AFG2A: variants seen among roughly 807,000 people sequenced by gnomAD.
The protein encoded by AFG2A is ATPase family gene 2 protein homolog A.
chr4:122,977,377 A>C, the AFG2A span, among the ~76,000 whole-genome samples: 3 of 152,208 alleles, frequency 2.0e-5, no homozygotes, highest in Non-Finnish European at 4.4e-5. Flanking sequence ...TGCTGGCTGC[A>C]GTGGAGTGGA....
chr4:122,950,311 T>C, the AFG2A span, among the ~76,000 whole-genome samples: 1 of 151,540 alleles, frequency 6.6e-6, no homozygotes. Flanking sequence ...ACTTTATATC[T>C]GGTAAAGTAC....
At chr4:123,048,231 A>G in the AFG2A span, among the ~76,000 whole-genome samples, 8 of 152,108 alleles carry the variant, frequency 5.3e-5, no homozygotes, top group African/African-American at 1.4e-4. Flanking sequence ...GCCTGTTTTT[A>G]TGCCAGTACC....
the AFG2A span, among the ~76,000 whole-genome samples, chr4:123,127,315 A>G: frequency 6.6e-6 from 1 of 152,244 alleles, no homozygotes; most frequent in African/African-American, 2.4e-5. Context: ...TTTTAAAATC[A>G]TAATATCACA....
the AFG2A span, among the ~76,000 whole-genome samples, chr4:123,030,735 C>A: frequency 6.6e-6 from 1 of 152,050 alleles, no homozygotes; most frequent in Non-Finnish European, 1.5e-5. Flanking sequence ...AATTGAATAT[C>A]CCTTATCAAA....
chr4:123,228,809 A>G, the AFG2A span, among the ~76,000 whole-genome samples: 1 of 151,984 alleles, frequency 6.6e-6, no homozygotes, highest in African/African-American at 2.4e-5. Flanking sequence ...TCCTCTTACT[A>G]TTAACCATAA....
the AFG2A span, among the ~76,000 whole-genome samples, chr4:122,987,889 C>A: frequency 6.6e-6 from 1 of 151,906 alleles, no homozygotes; most frequent in African/African-American, 2.4e-5. Context: ...TGTATTCTTA[C>A]CTTTACAGGG....
the AFG2A span, among the ~76,000 whole-genome samples, chr4:122,932,070 C>T: frequency 6.6e-6 from 1 of 151,630 alleles, no homozygotes; most frequent in African/African-American, 2.4e-5. Context: ...AGTTCGAGAC[C>T]AGCCTGGGAA....
At chr4:122,954,814 T>C in the AFG2A span, among the ~76,000 whole-genome samples, 1 of 108,022 alleles carries the variant, frequency 9.3e-6, no homozygotes, top group Non-Finnish European at 2.1e-5. Context: ...CATCTAACTT[T>C]TGCTTAGTTA....
chr4:123,062,111 T>A, the AFG2A span, among the ~76,000 whole-genome samples: 1 of 152,340 alleles, frequency 6.6e-6, no homozygotes, highest in African/African-American at 2.4e-5. Context: ...GATTTGCAGC[T>A]TCTAGATGTT....
At chr4:123,006,916 C>G in the AFG2A span, among the ~76,000 whole-genome samples, 2 of 143,292 alleles carry the variant, frequency 1.4e-5, no homozygotes, top group African/African-American at 5.1e-5. Context: ...TTTCCATTTG[C>G]AAAGTTATTT....
chr4:123,228,543 G>A, the AFG2A span, among the ~76,000 whole-genome samples: 1 of 152,112 alleles, frequency 6.6e-6, no homozygotes, highest in East Asian at 1.9e-4. Context: ...ATGAATCTCA[G>A]TCAGATTATT....
At chr4:123,234,038 G>A in the AFG2A span, among the ~76,000 whole-genome samples, 1 of 152,038 alleles carries the variant, frequency 6.6e-6, no homozygotes, top group Non-Finnish European at 1.5e-5. Context: ...GGGAAAATAA[G>A]CACACGTCTT....
At chr4:123,216,756 C>T in the AFG2A span, among the ~76,000 whole-genome samples, 1 of 151,424 alleles carries the variant, frequency 6.6e-6, no homozygotes, top group Non-Finnish European at 1.5e-5. Context: ...GCTTCAGACT[C>T]CTAGTCTTTT....
At chr4:123,115,719 A>G in the AFG2A span, among the ~76,000 whole-genome samples, 1 of 151,894 alleles carries the variant, frequency 6.6e-6, no homozygotes, top group Admixed American at 6.6e-5. Context: ...ACCTGCACCC[A>G]CACCCGTGCC....
chr4:123,133,512 C>T, the AFG2A span, among the ~76,000 whole-genome samples: 1 of 140,520 alleles, frequency 7.1e-6, no homozygotes, highest in Non-Finnish European at 1.6e-5. Context: ...GTGTGTGTGG[C>T]CTCCCTTTGT....
the AFG2A span, among the ~76,000 whole-genome samples, chr4:122,923,795 C>T: frequency 6.6e-6 from 1 of 152,146 alleles, no homozygotes; most frequent in Middle Eastern, 3.4e-3. Flanking sequence ...ATATATAGCT[C>T]ATCTAATTTC....
chr4:123,048,685 G>C, the AFG2A span, among the ~76,000 whole-genome samples: 1 of 152,210 alleles, frequency 6.6e-6, no homozygotes, highest in East Asian at 1.9e-4. Flanking sequence ...TGCTATTGGT[G>C]TATAGAAGTG....
At chr4:123,137,099 A>G in the AFG2A span, among the ~76,000 whole-genome samples, 5,568 of 152,220 alleles carry the variant, frequency 0.037, 338 homozygotes, top group African/African-American at 0.13. Flanking sequence ...TCACACTTCT[A>G]TGAGTGCGCA....
chr4:123,228,748 A>C, the AFG2A span, among the ~76,000 whole-genome samples: 1 of 152,058 alleles, frequency 6.6e-6, no homozygotes, highest in African/African-American at 2.4e-5. Flanking sequence ...CACACTTAGC[A>C]AATGGAAAAT....
Sources: gnomAD v4.1 joint callset for allele counts (sites outside exome capture counted in the v4.1 genomes callset) on GRCh38, gnomAD v4.1.1 for gene constraint, MANE v1.5 for transcripts, NCBI Gene and HGNC (gene_info 2026-07-23, HGNC 2026-07-21) for gene names.